The following DTNA variants were observed in gnomAD, a reference collection of about 807,000 sequenced individuals.
DTNA encodes the protein dystrophin-related protein 3.
A neutral mutation model predicts 100.7 loss-of-function variants in DTNA; 43 were observed. The observed-to-expected ratio is 0.43, with a 90% CI of 0.33 to 0.55. DTNA has a LOEUF of 0.55. DTNA is among the 20% of genes least tolerant of loss of function. DTNA has a pLI of 0.04. For missense variants in DTNA, 798 were observed against 953.9 expected (o/e 0.84, Z 2.15); for synonymous variants, 349 against 347.9 (o/e 1.00, Z -0.04).
chr18:34,585,421 T>C (rs1456713634), intron 1 of DTNA, among the ~76,000 whole-genome samples: 1 of 152,168 alleles, frequency 6.6e-6, no homozygotes, highest in Non-Finnish European at 1.5e-5. Flanking sequence ...GTAAAAGAAA[T>C]GTAATCATAC....
intron 1 of DTNA, among the ~76,000 whole-genome samples, chr18:34,532,742 TG>T (rs1366173003): frequency 7.1e-6 from 1 of 141,246 alleles, no homozygotes; most frequent in African/African-American, 2.7e-5. Context: ...GAACTGTATA[TG>T]TATATTTAAA....
At chr18:34,665,325 A>T (rs998797972) in intron 1 of DTNA, among the ~76,000 whole-genome samples, 2 of 152,184 alleles carry the variant, frequency 1.3e-5, no homozygotes, top group African/African-American at 4.8e-5. Context: ...TTTGTCAATG[A>T]AATTGTGTCC....
At chr18:34,544,318 TG>T (rs1251969790) in intron 1 of DTNA, among the ~76,000 whole-genome samples, 2 of 151,902 alleles carry the variant, frequency 1.3e-5, no homozygotes, top group East Asian at 1.9e-4. Context: ...TAAATAAATA[TG>T]TTTTTTTAAA....
chr18:34,547,098 G>A (rs2044868324), intron 1 of DTNA, among the ~76,000 whole-genome samples: 1 of 151,914 alleles, frequency 6.6e-6, no homozygotes, highest in African/African-American at 2.4e-5. Flanking sequence ...ACCATATACT[G>A]GTGATTTACT....
At chr18:34,735,889 C>T (rs2089470487) in intron 1 of DTNA, among the ~76,000 whole-genome samples, 1 of 152,198 alleles carries the variant, frequency 6.6e-6, no homozygotes, top group African/African-American at 2.4e-5. Flanking sequence ...TAAAACAGTG[C>T]ATGAGAAGCT....
intron 18 of DTNA, 48 bp downstream of exon 18, chr18:34,875,446 GGTCACCAAGGTC>G (rs775789613): frequency 6.2e-7 from 1 of 1,613,184 alleles, no homozygotes; most frequent in Admixed American, 1.7e-5. Flanking sequence ...GTGGCAAATA[GGTCACCAAGGTC>G]TATTGAGTGG....
chr18:34,858,341 C>A lies in DTNA; in HGVS notation c.1589C>A (p.Pro530His). Residue 530 changes from proline (P) to histidine (H), a missense_variant, in exon 16 of 23, where the codon CCC (proline) becomes CAC (histidine). Pro to His is a moderately conservative substitution (Grantham distance 77). Around this residue, in one of 6 missense-constraint regions of DTNA, gnomAD observed 159 missense variants for 201.2 expected, o/e 0.79. Coordinates refer to ENST00000444659, the MANE Select transcript of DTNA (RefSeq NM_001386795.1). Reference sequence around the variant, plus strand: ...CTAGAGCATGAACAAGCTTCTCAGCCCACGCCAGAGAAGGCACAGCAAAAC... The same window carrying A: ...CTAGAGCATGAACAAGCTTCTCAGCACACGCCAGAGAAGGCACAGCAAAAC... ...LRLEHEQASQ[P>H]TPEKAQQNPT... 5 of 1,614,100 alleles carry A rather than the reference C, an allele frequency of 3.1e-6. No homozygotes were observed. The highest frequency in any genetic ancestry group is 4.2e-6 in the Non-Finnish European group (5 of 1,180,024).
At chr18:34,811,921 C>G in intron 5 of DTNA, 38 bp from the exon 6 acceptor site, 1 of 1,611,688 alleles carries the variant, frequency 6.2e-7, no homozygotes, top group South Asian at 1.1e-5. Context: ...GGAGAATGTT[C>G]ATGTGATGAA....
chr18:34,522,230 A>G (rs1352834404), intron 1 of DTNA, among the ~76,000 whole-genome samples: 1 of 152,158 alleles, frequency 6.6e-6, no homozygotes, highest in African/African-American at 2.4e-5. Flanking sequence ...TTTCACTGTT[A>G]TCCCTTTATT....
chr18:34,838,940 GAC>G lies in DTNA; in HGVS notation c.1346+106_1346+107del. On this transcript the variant is annotated intron_variant, in intron 13 of 22. Transcript: ENST00000444659. ...AGCAAGGTCACTGGATGCCAGTGGT[GAC>G]ACTGAAGCACTGTTAACTGGTTCAG... 17 of 925,446 alleles carry G rather than the reference GAC, an allele frequency of 1.8e-5. No homozygotes were observed. The Middle Eastern group carries it at 6.8e-4, about 37-fold the overall frequency. 57.3% of individuals were successfully genotyped at this position (925,446 alleles called of 1,614,324 possible). A position where few individuals can be genotyped will look rare whatever the true frequency, so the allele number is the denominator to read the frequency against.
intron 1 of DTNA, among the ~76,000 whole-genome samples, chr18:34,727,514 C>A (rs1252004042): frequency 6.6e-6 from 1 of 152,038 alleles, no homozygotes; most frequent in African/African-American, 2.4e-5. Flanking sequence ...CAATGAAGAA[C>A]AAGTTAAATA....
chr18:34,684,096 G>A (rs925791458), intron 1 of DTNA, among the ~76,000 whole-genome samples: 2 of 152,004 alleles, frequency 1.3e-5, no homozygotes, highest in African/African-American at 4.8e-5. Context: ...AGAGAGGGAT[G>A]GGAAGAGTGG....
At chr18:34,712,690 A>G (rs1240886939) in intron 1 of DTNA, among the ~76,000 whole-genome samples, 2 of 152,174 alleles carry the variant, frequency 1.3e-5, no homozygotes, top group African/African-American at 2.4e-5. Flanking sequence ...TTAATTGTAC[A>G]GTATTTGTTT....
intron 5 of DTNA, among the ~76,000 whole-genome samples, chr18:34,807,034 A>G (rs1168893081): frequency 1.3e-5 from 2 of 152,186 alleles, no homozygotes; most frequent in Admixed American, 1.3e-4. Context: ...GTGGTTCACA[A>G]ATTTTAGCAT....
At chr18:34,766,695 G>A (rs2148496420) in intron 3 of DTNA, among the ~76,000 whole-genome samples, 1 of 152,018 alleles carries the variant, frequency 6.6e-6, no homozygotes, top group African/African-American at 2.4e-5. Flanking sequence ...AAATAAAAAT[G>A]GTTTCCAAGA....
chr18:34,806,194 T>C (rs781406395), intron 4 of DTNA, 25 bp from the exon 5 acceptor site: 1 of 1,604,070 alleles, frequency 6.2e-7, no homozygotes, highest in South Asian at 1.1e-5. Flanking sequence ...TTTGTTTTTG[T>C]TTTTTTTCTA....
intron 1 of DTNA, among the ~76,000 whole-genome samples, chr18:34,727,428 A>G (rs1254619699): frequency 6.6e-6 from 1 of 152,226 alleles, no homozygotes; most frequent in African/African-American, 2.4e-5. Flanking sequence ...GTATTATAAT[A>G]TCCTTGTGAA....
chr18:34,797,262 A>C (rs961933789), intron 4 of DTNA, among the ~76,000 whole-genome samples: 67 of 152,160 alleles, frequency 4.4e-4, no homozygotes, highest in Admixed American at 4.6e-4. Flanking sequence ...CTTCTAAGCA[A>C]ATCTCTCCAC....
intron 14 of DTNA, among the ~76,000 whole-genome samples, chr18:34,849,035 G>A (rs188694612): frequency 2.4e-4 from 36 of 152,268 alleles, no homozygotes; most frequent in Admixed American, 1.9e-3. Flanking sequence ...CATAATGACC[G>A]ACTGCATTAG....
Sources: gnomAD v4.1 joint callset for allele counts (sites outside exome capture counted in the v4.1 genomes callset) on GRCh38, gnomAD v4.1.1 for gene constraint, gnomAD v4.1.1 regional missense constraint, MANE v1.5 for transcripts, NCBI Gene and HGNC (gene_info 2026-07-23, HGNC 2026-07-21) for gene names.